The following ZNF407 variants were observed in gnomAD, a reference collection of about 807,000 sequenced individuals.
The protein encoded by ZNF407 is zinc finger protein 407.
A neutral mutation model predicts 131.2 loss-of-function variants in ZNF407; 17 were observed. That is an observed-to-expected ratio of 0.13 (90% CI 0.09 to 0.19). ZNF407 has a LOEUF of 0.19. ZNF407 is among the 10% of genes least tolerant of loss of function. The pLI is 1.00. For missense variants in ZNF407, 2,681 were observed against 2,830.6 expected (o/e 0.95, Z 1.20); for synonymous variants, 1,156 against 1,062.0 (o/e 1.09, Z -1.72).
intron 3 of ZNF407, among the ~76,000 whole-genome samples, chr18:74,755,608 A>G: frequency 1.9e-5 from 1 of 51,446 alleles, no homozygotes; most frequent in African/African-American, 9.0e-5. Flanking sequence ...TTTTTTTCTG[A>G]GACCGAGTCT....
chr18:74,759,777 A>C (rs1352735265), intron 3 of ZNF407, among the ~76,000 whole-genome samples: 2 of 131,474 alleles, frequency 1.5e-5, no homozygotes, highest in African/African-American at 2.8e-5. Flanking sequence ...TGTATTTCTT[A>C]TTTCCTGTAG....
At chr18:74,725,541 CT>C (rs1187449294) in intron 3 of ZNF407, among the ~76,000 whole-genome samples, 1 of 152,094 alleles carries the variant, frequency 6.6e-6, no homozygotes, top group Non-Finnish European at 1.5e-5. Context: ...TGTGTTACAT[CT>C]TGTCATCTGC....
intron 8 of ZNF407, among the ~76,000 whole-genome samples, chr18:74,967,468 TC>T (rs1457189692): frequency 1.3e-5 from 2 of 152,238 alleles, no homozygotes; most frequent in African/African-American, 4.8e-5. Flanking sequence ...GCCTCTTGTT[TC>T]TGACAGTGAA....
At chr18:74,676,713 C>T (rs12966238) in intron 3 of ZNF407, among the ~76,000 whole-genome samples, 21,690 of 152,018 alleles carry the variant, frequency 0.14, 1,664 homozygotes, top group African/African-American at 0.18. Flanking sequence ...GGATTACAGA[C>T]GTGAGCCACT....
rs1013273388 is a variant in ZNF407 at position 74,635,808 on chromosome 18, G to A, written c.4687+102G>A. ...GTGGCTGCTCATTGGCTTTCCACCC[G>A]GTTCACATTTCACTGCCGTGTGCTG... is the stretch of plus-strand genomic sequence containing the variant. On this transcript the variant is annotated intron_variant, in intron 2 of 8. Transcript: ENST00000299687. The surrounding 1 kb of genome is among the most constrained non-coding windows in gnomAD (Gnocchi z 4.7). The A allele has an allele frequency of 1.8e-5, 26 of 1,464,670 alleles. No homozygotes were observed. Among genetic ancestry groups the A allele is most frequent in the African/African-American group, 1.7e-4 (12 of 70,674 alleles). 90.7% of individuals were successfully genotyped at this position (1,464,670 alleles called of 1,614,324 possible).
chr18:74,700,433 A>T (rs1420785424), intron 3 of ZNF407, among the ~76,000 whole-genome samples: 1 of 152,216 alleles, frequency 6.6e-6, no homozygotes, highest in African/African-American at 2.4e-5. Context: ...CGCAAAGAGT[A>T]TCAGAGGTGT....
intron 1 of ZNF407, among the ~76,000 whole-genome samples, chr18:74,626,337 A>G (rs1983784394): frequency 6.6e-6 from 1 of 152,258 alleles, no homozygotes; most frequent in Non-Finnish European, 1.5e-5. Context: ...CATCTGCCCT[A>G]TAACGCAGCA....
At chr18:74,681,873 G>T (rs1966991660) in intron 3 of ZNF407, among the ~76,000 whole-genome samples, 1 of 152,010 alleles carries the variant, frequency 6.6e-6, no homozygotes, top group African/African-American at 2.4e-5. Flanking sequence ...TAGTGCTCCA[G>T]AATCATACCA....
chr18:75,022,839 C>A (rs1269365993), intron 8 of ZNF407, among the ~76,000 whole-genome samples: 1 of 152,018 alleles, frequency 6.6e-6, no homozygotes, highest in Non-Finnish European at 1.5e-5. Context: ...AATGTATACC[C>A]CAAAGAATAT....
intron 8 of ZNF407, among the ~76,000 whole-genome samples, chr18:74,995,428 A>C (rs1437705903): frequency 6.6e-6 from 1 of 152,144 alleles, no homozygotes; most frequent in Non-Finnish European, 1.5e-5. Flanking sequence ...TGGGTGGACC[A>C]GTTGTGAAGT....
intron 8 of ZNF407, among the ~76,000 whole-genome samples, chr18:75,026,492 A>T (rs1338147575): frequency 6.6e-6 from 1 of 152,366 alleles, no homozygotes; most frequent in East Asian, 1.9e-4. Flanking sequence ...ATAGCTGTTA[A>T]TTGCATCCAT....
intron 1 of ZNF407, among the ~76,000 whole-genome samples, chr18:74,622,553 T>A (rs537150341): frequency 8.5e-5 from 13 of 152,290 alleles, no homozygotes; most frequent in Admixed American, 6.5e-4. Context: ...GATGTTTTCA[T>A]ACACGCGTGT....
intron 8 of ZNF407, among the ~76,000 whole-genome samples, chr18:75,039,006 T>C (rs1973342070): frequency 6.6e-6 from 1 of 152,218 alleles, no homozygotes; most frequent in African/African-American, 2.4e-5. Context: ...AATATGAAGA[T>C]TTCTATAATT....
In ZNF407 at chr18:74,634,641, T is replaced by G. The variant is rs772100148; in HGVS notation, c.3622T>G (p.Leu1208Val). ...FQNENSGSSALNCETAKKNHE... is the reference protein window; with the variant it reads ...FQNENSGSSAVNCETAKKNHE... ...AAATGAAAATTCAGGAAGCTCTGCC[T>G]TAAATTGTGAGACAGCAAAGAAAAA... Residue 1208 changes from leucine to valine, a missense_variant, in exon 2 of 9, where the codon TTA (leucine) becomes GTA (valine). By Grantham distance (32) the Leu-to-Val change is conservative. Around this residue, in one of 6 missense-constraint regions of ZNF407, gnomAD observed 1,789 missense variants for 1,748.7 expected, o/e 1.02. Transcript: ENST00000299687. The G allele has an allele frequency of 6.2e-7, 1 of 1,613,974 alleles. No homozygotes were observed. The highest frequency in any genetic ancestry group is 8.5e-7 in the Non-Finnish European group (1 of 1,179,884).
At chr18:74,854,311 A>G (rs1970829632) in intron 4 of ZNF407, among the ~76,000 whole-genome samples, 1 of 152,202 alleles carries the variant, frequency 6.6e-6, no homozygotes, top group Admixed American at 6.5e-5. Context: ...TGGTATTCTA[A>G]TGTTCTTTGA....
chr18:74,763,140 A>G (rs1170915398), intron 3 of ZNF407, among the ~76,000 whole-genome samples: 1 of 136,336 alleles, frequency 7.3e-6, no homozygotes, highest in Non-Finnish European at 1.5e-5. Flanking sequence ...AAGTAGAGGA[A>G]TCTCTTGGTG....
intron 7 of ZNF407, among the ~76,000 whole-genome samples, chr18:74,897,741 A>G (rs978474434): frequency 7.9e-5 from 12 of 152,220 alleles, no homozygotes; most frequent in Admixed American, 7.9e-4. Flanking sequence ...TCTTCCAGCA[A>G]TAGAAGCTCA....
At chr18:74,946,511 G>C (rs565272379) in intron 8 of ZNF407, among the ~76,000 whole-genome samples, 6 of 152,302 alleles carry the variant, frequency 3.9e-5, no homozygotes, top group African/African-American at 1.2e-4. Flanking sequence ...AATCACAGGG[G>C]AGAAAATATT....
rs1035170631 is a variant in ZNF407 at position 74,897,521 on chromosome 18, G to A, written c.5249+7483G>A. Among the ~76,000 whole-genome samples the A allele has an allele frequency of 2.1e-3, 315 of 152,288 alleles. 5 individuals carry two copies. Among genetic ancestry groups the A allele is most frequent in the South Asian group, 1.7e-3 (8 of 4,822 alleles). On this transcript the variant is annotated intron_variant, in intron 7 of 8. Coordinates refer to ENST00000299687, the MANE Select transcript of ZNF407 (RefSeq NM_017757.3). ...TTATAAAAGGACCAAAGCTATCTTT[G>A]GGGATGGTCTTTCTACAAGGAATTA...
Sources: gnomAD v4.1 joint callset for allele counts (sites outside exome capture counted in the v4.1 genomes callset) on GRCh38, gnomAD v4.1.1 for gene constraint, gnomAD v4.1.1 regional missense constraint, Gnocchi (gnomAD v3.1) non-coding constraint, MANE v1.5 for transcripts, NCBI Gene and HGNC (gene_info 2026-07-23, HGNC 2026-07-21) for gene names.